ELK3: variants seen among roughly 807,000 people sequenced by gnomAD.
ELK3 encodes ETS domain-containing protein Elk-3.
In ELK3, 10 loss-of-function variants were observed where a neutral mutation model predicts 28.9. The observed-to-expected ratio is 0.35, with a 90% confidence interval of 0.21 to 0.59. The LOEUF (loss-of-function observed/expected upper bound fraction) is 0.59, where lower values mean the gene tolerates loss of function less well. Among genes scored for constraint, ELK3 ranks in the 20% least tolerant of loss-of-function variants. The pLI is 0.82. For missense variants in ELK3, 463 were observed against 517.3 expected (o/e 0.90, Z 1.02); for synonymous variants, 272 against 243.5 (o/e 1.12, Z -1.09).
chr12:96,200,339 A>G (rs1215854601), intron 1 of ELK3, among the ~76,000 whole-genome samples: 3 of 152,150 alleles, frequency 2.0e-5, no homozygotes, highest in Admixed American at 1.3e-4. Flanking sequence ...ACTCCAAGCA[A>G]TAGAGTAAAG....
At chr12:96,222,172 T>C (rs1951666643) in intron 1 of ELK3, among the ~76,000 whole-genome samples, 1 of 152,148 alleles carries the variant, frequency 6.6e-6, no homozygotes, top group Non-Finnish European at 1.5e-5. Flanking sequence ...ATTATTATTA[T>C]TATTACTACT....
intron 2 of ELK3, among the ~76,000 whole-genome samples, chr12:96,225,747 G>A (rs1951694658): frequency 6.6e-6 from 1 of 152,158 alleles, no homozygotes; most frequent in African/African-American, 2.4e-5. Flanking sequence ...TGCCTTCTGG[G>A]CCATTCATTT....
At chr12:96,217,454 A>C (rs554490938) in intron 1 of ELK3, among the ~76,000 whole-genome samples, 1 of 152,196 alleles carries the variant, frequency 6.6e-6, no homozygotes, top group East Asian at 1.9e-4. Context: ...TTTTGCCTCC[A>C]TTTAAGCATT....
intron 1 of ELK3, among the ~76,000 whole-genome samples, chr12:96,206,230 T>G (rs565581136): frequency 6.6e-6 from 1 of 152,198 alleles, no homozygotes; most frequent in African/African-American, 2.4e-5. Context: ...TTGATGTAGA[T>G]CAGACGTGCA....
chr12:96,225,568 C>T (rs919374825), intron 2 of ELK3, among the ~76,000 whole-genome samples: 5 of 152,226 alleles, frequency 3.3e-5, no homozygotes, highest in African/African-American at 1.2e-4. Flanking sequence ...TTAAACTTTA[C>T]AACAACCCCA....
chr12:96,250,466 C>G (rs1477740219), intron 3 of ELK3, among the ~76,000 whole-genome samples: 4 of 152,182 alleles, frequency 2.6e-5, no homozygotes, highest in African/African-American at 9.7e-5. Context: ...TTTGGACTCT[C>G]AGATTCCCTC....
chr12:96,203,597 C>G (rs1018085436), intron 1 of ELK3, among the ~76,000 whole-genome samples: 1 of 152,188 alleles, frequency 6.6e-6, no homozygotes, highest in Admixed American at 6.5e-5. Flanking sequence ...ATGTCCATCT[C>G]TTTTCTAGAC....
rs1565795915 is a variant in ELK3, at chr12:96,267,895, C to CTGTT, written c.*717_*720dup. ...GACCTTGAAAGGCTAGCCTCCTTAG[C>CTGTT]TGTTTACAGTATCTTATCTTTTAGA... On this transcript the variant is annotated 3_prime_UTR_variant, in exon 5 of 5. Coordinates refer to ENST00000228741, the MANE Select transcript of ELK3 (RefSeq NM_005230.4). The CTGTT allele has an allele frequency of 1.3e-5, 2 of 152,488 alleles. No homozygotes were observed. Among genetic ancestry groups the CTGTT allele is most frequent in the African/African-American group, 4.8e-5 (2 of 41,424 alleles). The allele number at this position is 152,488 out of a possible 1,614,324, so 9.4% of individuals were successfully genotyped here.
intron 2 of ELK3, among the ~76,000 whole-genome samples, chr12:96,239,844 C>T (rs1430889745): frequency 1.3e-5 from 2 of 152,222 alleles, no homozygotes; most frequent in South Asian, 4.1e-4. Context: ...GAGAAGCCGC[C>T]GGGAGCAGTT....
chr12:96,247,861 T>C lies in ELK3; in HGVS notation c.1002+127T>C. 8.3e-7 allele frequency: 1 copy of C among 1,211,410 alleles called. No homozygotes were observed. The highest frequency in any genetic ancestry group is 1.7e-5 in the South Asian group (1 of 59,192). 75.0% of individuals were successfully genotyped at this position (1,211,410 alleles called of 1,614,324 possible). On this transcript the variant is annotated intron_variant, in intron 3 of 4. Transcript: ENST00000228741. The surrounding 1 kb of genome is among the most constrained non-coding windows in gnomAD (Gnocchi z 5.5). ...CCTATGACTCGTACCGAGGTCACTG[T>C]GTAAATGTGAAGGGAAGCTGCTTTT...
chr12:96,259,901 G>A (rs755682512), intron 4 of ELK3, 48 bp downstream of exon 4: 2 of 1,531,378 alleles, frequency 1.3e-6, no homozygotes. Context: ...CTGAGGGATG[G>A]TTTTTTCTCT....
chr12:96,221,605 C>T (rs899948833), intron 1 of ELK3, among the ~76,000 whole-genome samples: 3 of 152,182 alleles, frequency 2.0e-5, no homozygotes, highest in Non-Finnish European at 4.4e-5. Context: ...GTTAGCCGTT[C>T]TTAGTGCCAG....
chr12:96,241,676 G>T (rs1254439475), intron 2 of ELK3, among the ~76,000 whole-genome samples: 1 of 152,228 alleles, frequency 6.6e-6, no homozygotes, highest in Non-Finnish European at 1.5e-5. Flanking sequence ...GAGGTGGCTG[G>T]TGAGTTGGGA....
chr12:96,250,519 C>T (rs1401413028), intron 3 of ELK3, among the ~76,000 whole-genome samples: 1 of 152,216 alleles, frequency 6.6e-6, no homozygotes, highest in African/African-American at 2.4e-5. Flanking sequence ...ACTCACCCAC[C>T]AGCACCAGCT....
intron 1 of ELK3, among the ~76,000 whole-genome samples, chr12:96,214,497 A>G (rs1951597144): frequency 6.6e-6 from 1 of 152,134 alleles, no homozygotes; most frequent in South Asian, 2.1e-4. Context: ...TGTAAAGAGT[A>G]AGTAAATAGG....
chr12:96,199,480 CTGTGTGTGTGTGTGTGTG>C (rs10678770), intron 1 of ELK3, among the ~76,000 whole-genome samples: 1 of 146,384 alleles, frequency 6.8e-6, no homozygotes, highest in Non-Finnish European at 1.5e-5. Flanking sequence ...ATAAAATTAG[CTGTGTGTGTGTGTGTGTG>C]TGTGTGTGTG....
intron 3 of ELK3, among the ~76,000 whole-genome samples, chr12:96,258,049 C>T (rs990885384): frequency 6.6e-6 from 1 of 152,200 alleles, no homozygotes; most frequent in Non-Finnish European, 1.5e-5. Flanking sequence ...TTCCCAACAA[C>T]CCTGTAACGT....
At chr12:96,243,158 G>C (rs1047533649) in intron 2 of ELK3, among the ~76,000 whole-genome samples, 1 of 152,094 alleles carries the variant, frequency 6.6e-6, no homozygotes, top group African/African-American at 2.4e-5. Flanking sequence ...TTAAAAACCA[G>C]CTTCATTAAG....
intron 2 of ELK3, among the ~76,000 whole-genome samples, chr12:96,230,187 C>G (rs946138775): frequency 1.3e-5 from 2 of 152,138 alleles, no homozygotes; most frequent in African/African-American, 4.8e-5. Flanking sequence ...GTATTCAGTA[C>G]AGTAACGTGC....
Sources: allele counts gnomAD v4.1 joint callset (sites outside exome capture counted in the v4.1 genomes callset), GRCh38; gene constraint gnomAD v4.1.1; non-coding constraint Gnocchi (gnomAD v3.1); transcripts MANE v1.5; gene names NCBI Gene and HGNC (gene_info 2026-07-23, HGNC 2026-07-21).